PCNX2: variants seen among roughly 807,000 people sequenced by gnomAD.
PCNX2 encodes the protein pecanex-like protein 2.
PCNX2 carries 168 observed loss-of-function variants against 223.8 expected under a neutral mutation model. The observed-to-expected ratio is 0.75, with a 90% CI of 0.66 to 0.85. The LOEUF is 0.85. Ranked by LOEUF, PCNX2 falls within the 40% of genes least tolerant of loss-of-function variation. The pLI is 0.00. For synonymous variants in PCNX2, 1,006 were observed against 1,052.6 expected (o/e 0.96, Z 0.86); for missense variants, 2,507 against 2,675.5 (o/e 0.94, Z 1.39).
intron 23 of PCNX2, among the ~76,000 whole-genome samples, chr1:233,069,561 AGGAAAATATCCAAACATTT>A (rs1672758707): frequency 6.6e-6 from 1 of 152,280 alleles, no homozygotes; most frequent in African/African-American, 2.4e-5. Context: ...CAAAGAAAAC[AGGAAAATATCCAAACATTT>A]GGAAACTGAA....
At chr1:233,056,974 A>T (rs141862519) in intron 24 of PCNX2, among the ~76,000 whole-genome samples, 1 of 152,232 alleles carries the variant, frequency 6.6e-6, no homozygotes, top group African/African-American at 2.4e-5. Context: ...ACTGCACACG[A>T]ACTAAAATGT....
intron 19 of PCNX2, 58 bp downstream of exon 19, chr1:233,160,225 T>C (rs544129406): frequency 1.3e-6 from 2 of 1,547,316 alleles, no homozygotes; most frequent in East Asian, 4.5e-5. Flanking sequence ...TGCTCTCCGG[T>C]TTAATGTATA....
the PCNX2 span, among the ~76,000 whole-genome samples, chr1:233,318,563 CTTTTTT>C: frequency 2.7e-4 from 25 of 92,516 alleles, no homozygotes; most frequent in South Asian, 8.2e-3. Context: ...TTTTCTTTTT[CTTTTTT>C]TTTTTTTTTT....
At chr1:233,201,851 T>C (rs73109265) in intron 13 of PCNX2, 4,967 of 172,116 alleles carry the variant, frequency 0.029, 253 homozygotes, top group African/African-American at 0.11. Context: ...ATGGAAAGAA[T>C]TGGAACACAA....
chr1:233,306,724 A>C, the PCNX2 span, among the ~76,000 whole-genome samples: 10 of 152,212 alleles, frequency 6.6e-5, no homozygotes, highest in Non-Finnish European at 1.3e-4. Flanking sequence ...ATTGTGAAGA[A>C]TTATTCATTT....
At chr1:233,015,953 A>G (rs1670642289) in intron 27 of PCNX2, among the ~76,000 whole-genome samples, 1 of 152,128 alleles carries the variant, frequency 6.6e-6, no homozygotes, top group African/African-American at 2.4e-5. Flanking sequence ...TAAAGTCAAA[A>G]TATCTTTTGC....
At chr1:232,996,925 C>T (rs1669893453) in intron 32 of PCNX2, among the ~76,000 whole-genome samples, 2 of 152,350 alleles carry the variant, frequency 1.3e-5, no homozygotes, top group South Asian at 4.1e-4. Context: ...CCTTCTTCAA[C>T]TCTATGTTTA....
At chr1:233,294,848 A>G (rs1661976441) in intron 1 of PCNX2, among the ~76,000 whole-genome samples, 1 of 152,178 alleles carries the variant, frequency 6.6e-6, no homozygotes, top group African/African-American at 2.4e-5. Flanking sequence ...TGAGTAACTG[A>G]TAACTGAACT....
intron 23 of PCNX2, among the ~76,000 whole-genome samples, chr1:233,081,359 T>A (rs1431178786): frequency 6.6e-6 from 1 of 151,522 alleles, no homozygotes; most frequent in Admixed American, 6.6e-5. Context: ...AATAAAAAAA[T>A]AAAAATAAAT....
intron 21 of PCNX2, among the ~76,000 whole-genome samples, chr1:233,104,374 C>A (rs913767493): frequency 6.6e-6 from 1 of 151,974 alleles, no homozygotes; most frequent in Admixed American, 6.6e-5. Flanking sequence ...AGTTTCCTTA[C>A]CTCTTTTAAT....
chr1:233,134,915 AT>A (rs137940165), intron 21 of PCNX2, 97 bp downstream of exon 21: 24,573 of 1,080,686 alleles, frequency 0.023, 383 homozygotes, highest in East Asian at 0.065. Flanking sequence ...TCCTCCCATA[AT>A]TTTTTTTATA....
the PCNX2 span, among the ~76,000 whole-genome samples, chr1:233,326,633 T>C: frequency 6.6e-6 from 1 of 152,228 alleles, no homozygotes; most frequent in African/African-American, 2.4e-5. Flanking sequence ...ACAATAAATT[T>C]ATCTTTATGT....
intron 17 of PCNX2, among the ~76,000 whole-genome samples, chr1:233,168,461 T>A (rs867145500): frequency 6.6e-6 from 1 of 152,104 alleles, no homozygotes; most frequent in South Asian, 2.1e-4. Flanking sequence ...GTAAGCTATA[T>A]ATATATAATT....
intron 21 of PCNX2, among the ~76,000 whole-genome samples, chr1:233,130,465 TTGTGTGTGTGTGTGTGTGTGTG>T (rs55865610): frequency 2.2e-5 from 3 of 136,472 alleles, no homozygotes; most frequent in African/African-American, 8.3e-5. Flanking sequence ...CCCCCAACTT[TTGTGTGTGTGTGTGTGTGTGTG>T]TGTGTGTGTG....
At chr1:233,324,030 G>A in the PCNX2 span, among the ~76,000 whole-genome samples, 26 of 152,202 alleles carry the variant, frequency 1.7e-4, no homozygotes, top group Non-Finnish European at 2.5e-4. Context: ...CAAGCTTATT[G>A]CTGATATGAA....
the PCNX2 span, among the ~76,000 whole-genome samples, chr1:233,318,066 G>C: frequency 2.0e-5 from 3 of 152,164 alleles, no homozygotes; most frequent in Non-Finnish European, 4.4e-5. Context: ...TCCAAGGTAA[G>C]TATGACAGCT....
intron 1 of PCNX2, among the ~76,000 whole-genome samples, chr1:233,275,786 C>T (rs1660874219): frequency 6.6e-6 from 1 of 151,760 alleles, no homozygotes; most frequent in Non-Finnish European, 1.5e-5. Context: ...AATCCCAGCA[C>T]TTTGTGAGGC....
intron 23 of PCNX2, among the ~76,000 whole-genome samples, chr1:233,070,367 C>A (rs114899936): frequency 0.013 from 1,921 of 151,948 alleles, 53 homozygotes; most frequent in African/African-American, 0.045. Flanking sequence ...TTTCATGAAG[C>A]TAGTATTTAC....
intron 32 of PCNX2, 118 bp from the exon 33 acceptor site, chr1:232,986,658 C>T: frequency 1.1e-6 from 1 of 921,236 alleles, no homozygotes; most frequent in African/African-American, 1.7e-5. Flanking sequence ...AGTGCACCAC[C>T]TGCAAGGCTG....
Sources: gnomAD v4.1 joint callset for allele counts (sites outside exome capture counted in the v4.1 genomes callset) on GRCh38, gnomAD v4.1.1 for gene constraint, MANE v1.5 for transcripts, NCBI Gene and HGNC (gene_info 2026-07-23, HGNC 2026-07-21) for gene names.